DLGAP1: variants seen among roughly 807,000 people sequenced by gnomAD.
The protein encoded by DLGAP1 is disks large-associated protein 1.
DLGAP1 carries 11 observed loss-of-function variants against 90.8 expected under a neutral mutation model. The observed-to-expected ratio is 0.12, with a 90% confidence interval of 0.08 to 0.20. The LOEUF (loss-of-function observed/expected upper bound fraction) is 0.20, where lower values mean the gene tolerates loss of function less well. DLGAP1 is among the 10% of genes least tolerant of loss of function. The probability of loss-of-function intolerance (pLI) is 1.00; values close to 1 mark genes in which losing one functional copy is unlikely to be tolerated. For missense variants in DLGAP1, 1,050 were observed against 1,333.8 expected (o/e 0.79, Z 3.31); for synonymous variants, 558 against 540.7 (o/e 1.03, Z -0.44).
Position 3,597,290 on chromosome 18 carries a change from G to A in DLGAP1, c.1592-15042C>T, listed in dbSNP as rs979723027. On this transcript the variant is annotated intron_variant, in intron 7 of 12. Coordinates refer to ENST00000315677, the MANE Select transcript of DLGAP1 (RefSeq NM_004746.4). ...AGGAATAAAAGGAAAAATCTGGAAT[G>A]GAATCACATGACGCAACAGGCTATG... is the stretch of plus-strand genomic sequence containing the variant. The A allele has an allele frequency of 1.6e-4, 80 of 486,856 alleles. 1 individual carries two copies. The highest frequency in any genetic ancestry group is 4.8e-5 in the Non-Finnish European group (12 of 249,328). 30.2% of individuals were successfully genotyped at this position (486,856 alleles called of 1,614,324 possible).
intron 7 of DLGAP1, among the ~76,000 whole-genome samples, chr18:3,633,221 C>A (rs1460952441): frequency 6.6e-6 from 1 of 152,038 alleles, no homozygotes; most frequent in East Asian, 1.9e-4. Flanking sequence ...CATGGTGAAA[C>A]CCCCTCTCTA....
At chr18:3,883,068 A>G (rs569912177) in intron 3 of DLGAP1, among the ~76,000 whole-genome samples, 1 of 152,256 alleles carries the variant, frequency 6.6e-6, no homozygotes, top group Admixed American at 6.5e-5. Flanking sequence ...ACATGGTGAA[A>G]CCTCGTCTCT....
intron 7 of DLGAP1, among the ~76,000 whole-genome samples, chr18:3,702,343 A>C (rs1226846750): frequency 6.6e-6 from 1 of 152,224 alleles, no homozygotes; most frequent in Non-Finnish European, 1.5e-5. Flanking sequence ...TGAATTTTAA[A>C]ATAGCAGGTG....
chr18:4,007,071 A>G (rs369882018), intron 2 of DLGAP1, among the ~76,000 whole-genome samples: 30 of 152,306 alleles, frequency 2.0e-4, no homozygotes, highest in African/African-American at 7.2e-4. Context: ...AAAACTATCA[A>G]TGTAGCGCCT....
At chr18:3,728,486 T>C (rs993311306) in intron 7 of DLGAP1, among the ~76,000 whole-genome samples, 15 of 152,050 alleles carry the variant, frequency 9.9e-5, no homozygotes, top group Admixed American at 5.9e-4. Context: ...TAAAATCTAC[T>C]GACAAAAATA....
intron 4 of DLGAP1, among the ~76,000 whole-genome samples, chr18:3,852,804 C>G (rs1275312745): frequency 6.6e-6 from 1 of 152,046 alleles, no homozygotes. Flanking sequence ...ATGTGAATAT[C>G]TTTTCCAAAG....
At chr18:3,661,123 G>A (rs994891029) in intron 7 of DLGAP1, among the ~76,000 whole-genome samples, 4 of 152,132 alleles carry the variant, frequency 2.6e-5, no homozygotes, top group Non-Finnish European at 4.4e-5. Context: ...GTCTCAAACT[G>A]CTGTGCTCAA....
chr18:3,634,558 C>G (rs953067499), intron 7 of DLGAP1, among the ~76,000 whole-genome samples: 26 of 152,234 alleles, frequency 1.7e-4, no homozygotes, highest in Middle Eastern at 3.4e-3. Flanking sequence ...ATAATAAAAT[C>G]CAGATAGATG....
At position 3,624,696 on chromosome 18, in the gene DLGAP1, T is replaced by C. The variant is rs183394859; in HGVS notation, c.1592-42448A>G. Reference sequence around the variant, plus strand: ...TTCAAGAAATCCCCAAAAGTCATGATAAAGAAGAGGGAAAACAGACTGAGC... The same window carrying C: ...TTCAAGAAATCCCCAAAAGTCATGACAAAGAAGAGGGAAAACAGACTGAGC... On this transcript the variant is annotated intron_variant, in intron 7 of 12. Transcript: ENST00000315677. Among the ~76,000 whole-genome samples the C allele has an allele frequency of 1.9e-3, 296 of 152,324 alleles. 2 individuals carry two copies. The highest frequency in any genetic ancestry group is 4.0e-3 in the Admixed American group (61 of 15,300).
At chr18:3,814,864 G>A (rs578229403) in intron 4 of DLGAP1, among the ~76,000 whole-genome samples, 1 of 152,250 alleles carries the variant, frequency 6.6e-6, no homozygotes, top group South Asian at 2.1e-4. Flanking sequence ...TTGGTATGGT[G>A]CTGGATATTG....
At chr18:4,300,830 T>C (rs1042223538) in intron 1 of DLGAP1, among the ~76,000 whole-genome samples, 1 of 152,198 alleles carries the variant, frequency 6.6e-6, no homozygotes, top group Non-Finnish European at 1.5e-5. Flanking sequence ...CTTTCTGCCA[T>C]TCTCTTTTAA....
intron 5 of DLGAP1, among the ~76,000 whole-genome samples, chr18:3,810,495 ATGATT>A (rs1454808494): frequency 6.6e-6 from 1 of 152,150 alleles, no homozygotes; most frequent in East Asian, 1.9e-4. Flanking sequence ...GTTCAGGGCT[ATGATT>A]CATCCCTAAA....
chr18:4,099,711 T>C (rs9944558), intron 2 of DLGAP1, among the ~76,000 whole-genome samples: 20,745 of 150,170 alleles, frequency 0.14, 1,684 homozygotes, highest in African/African-American at 0.22. Context: ...ACTTTTTTTT[T>C]TTTTTTTTTA....
At chr18:4,082,492 C>T (rs1184476424) in intron 2 of DLGAP1, among the ~76,000 whole-genome samples, 2 of 83,976 alleles carry the variant, frequency 2.4e-5, no homozygotes, top group African/African-American at 1.2e-4. Context: ...GTCTGGGTGA[C>T]AGAGTGAGAC....
In DLGAP1 at chr18:3,879,414, A is replaced by C. The variant is rs776722545; in HGVS notation, c.655T>G (p.Ser219Ala). ...DGDMCIYHAPSGVMTMGRCPD... is the reference protein window; with the variant it reads ...DGDMCIYHAPAGVMTMGRCPD... ...CACCTGCCCATGGTCATCACGCCCGAGGGGGCGTGGTAGATGCACATGTCA... is the reference window on the plus strand; with the variant it reads ...CACCTGCCCATGGTCATCACGCCCGCGGGGGCGTGGTAGATGCACATGTCA... Residue 219 changes from serine to alanine, a missense_variant, in exon 4 of 13, where the codon TCG becomes GCG. Ser to Ala is a moderately conservative substitution (Grantham distance 99). Around this residue, in one of 2 missense-constraint regions of DLGAP1, gnomAD observed 485 missense variants for 454.1 expected, o/e 1.07. Coordinates refer to ENST00000315677, the MANE Select transcript of DLGAP1 (RefSeq NM_004746.4). The surrounding 1 kb of genome is among the most constrained non-coding windows in gnomAD (Gnocchi z 6.6). 1.2e-6 allele frequency: 2 copies of C among 1,611,356 alleles called. No individual in the cohort carries two copies. The highest frequency in any genetic ancestry group is 1.7e-6 in the Non-Finnish European group (2 of 1,179,960).
At chr18:3,562,982 C>T (rs2054228168) in intron 9 of DLGAP1, among the ~76,000 whole-genome samples, 1 of 152,030 alleles carries the variant, frequency 6.6e-6, no homozygotes, top group African/African-American at 2.4e-5. Context: ...GCATGCACCA[C>T]AGCCAGATAA....
intron 2 of DLGAP1, among the ~76,000 whole-genome samples, chr18:4,047,166 T>C (rs942437233): frequency 6.6e-6 from 1 of 152,252 alleles, no homozygotes; most frequent in Non-Finnish European, 1.5e-5. Context: ...TCTATGTAAC[T>C]GTTTCTAAAT....
At chr18:4,020,617 C>T (rs1278009811) in intron 2 of DLGAP1, among the ~76,000 whole-genome samples, 1 of 152,206 alleles carries the variant, frequency 6.6e-6, no homozygotes, top group African/African-American at 2.4e-5. Context: ...CTAACCAACT[C>T]CATCTTGCTT....
intron 1 of DLGAP1, among the ~76,000 whole-genome samples, chr18:4,366,451 A>C (rs1280511616): frequency 6.6e-6 from 1 of 152,124 alleles, no homozygotes; most frequent in Non-Finnish European, 1.5e-5. Context: ...CACTGTCAAT[A>C]CAAGAATTAT....
Sources: allele counts gnomAD v4.1 joint callset (sites outside exome capture counted in the v4.1 genomes callset), GRCh38; gene constraint gnomAD v4.1.1; regional missense constraint gnomAD v4.1.1; non-coding constraint Gnocchi (gnomAD v3.1); transcripts MANE v1.5; gene names NCBI Gene and HGNC (gene_info 2026-07-23, HGNC 2026-07-21).